ST18: variants seen among roughly 807,000 people sequenced by gnomAD.
ST18 encodes ST18 C2H2C-type zinc finger transcription factor, also known as suppression of tumorigenicity 18 protein.
In ST18, 50 loss-of-function variants were observed where a neutral mutation model predicts 110.0. That is an observed-to-expected ratio of 0.45 (90% CI 0.36 to 0.58). The LOEUF (loss-of-function observed/expected upper bound fraction) is 0.58. ST18 is among the 20% of genes least tolerant of loss of function. ST18 has a pLI of 0.00. For missense variants in ST18, 1,306 were observed against 1,280.1 expected (o/e 1.02, Z -0.31); for synonymous variants, 461 against 452.4 (o/e 1.02, Z -0.24).
In ST18 at chr8:52,388,734, C is replaced by T. The variant is rs1837905485; in HGVS notation, c.-465+20594G>A. 3.4e-5 allele frequency among the ~76,000 whole-genome samples: 5 copies of T among 146,898 alleles called. No individual in the cohort carries two copies. In the South Asian group the frequency reaches 1.1e-3, roughly 31 times the overall value. On this transcript the variant is annotated intron_variant, in intron 2 of 25. Coordinates refer to ENST00000689386, the MANE Select transcript of ST18 (RefSeq NM_001352837.2). ...AGGGAGGGCCTTTCTCAAAAGGTGTCTCTCCACTGAAAACCTGGAGGATAA... is the reference window on the plus strand; with the variant it reads ...AGGGAGGGCCTTTCTCAAAAGGTGTTTCTCCACTGAAAACCTGGAGGATAA...
intron 8 of ST18, among the ~76,000 whole-genome samples, chr8:52,191,508 C>T (rs1482908748): frequency 6.6e-6 from 1 of 152,222 alleles, no homozygotes; most frequent in Admixed American, 6.5e-5. Flanking sequence ...AGACCTGTGA[C>T]ATCCACCACA....
At chr8:52,117,084 C>T (rs886944783) in intron 24 of ST18, among the ~76,000 whole-genome samples, 1 of 152,202 alleles carries the variant, frequency 6.6e-6, no homozygotes, top group South Asian at 2.1e-4. Context: ...AAACCAAGGT[C>T]TTTAAAATGG....
intron 2 of ST18, among the ~76,000 whole-genome samples, chr8:52,361,631 C>T (rs1825792728): frequency 6.6e-6 from 1 of 152,090 alleles, no homozygotes; most frequent in Non-Finnish European, 1.5e-5. Flanking sequence ...ATTTCTATTC[C>T]TTTTAACAAC....
chr8:52,347,634 G>C (rs1432668670), intron 2 of ST18, among the ~76,000 whole-genome samples: 1 of 152,188 alleles, frequency 6.6e-6, no homozygotes, highest in Non-Finnish European at 1.5e-5. Flanking sequence ...ACGGGGTATG[G>C]TATGAATAGT....
At chr8:52,131,893 C>A in intron 22 of ST18, 65 bp downstream of exon 22, 2 of 1,541,334 alleles carry the variant, frequency 1.3e-6, no homozygotes, top group Non-Finnish European at 8.9e-7. Flanking sequence ...CAACCCTCTC[C>A]CCAAGGCAGC....
intron 8 of ST18, chr8:52,199,550 C>A (rs1352470589): frequency 6.6e-6 from 1 of 152,136 alleles, no homozygotes; most frequent in African/African-American, 2.4e-5. Flanking sequence ...AACATCAAAC[C>A]TTTATTCATG....
chr8:52,373,562 A>G (rs1236983970), intron 2 of ST18, among the ~76,000 whole-genome samples: 2 of 151,428 alleles, frequency 1.3e-5, no homozygotes, highest in East Asian at 3.9e-4. Context: ...ACACAAGCCA[A>G]TTTCCTGCAT....
At chr8:52,229,457 C>A (rs2090644355) in intron 3 of ST18, among the ~76,000 whole-genome samples, 1 of 152,170 alleles carries the variant, frequency 6.6e-6, no homozygotes, top group African/African-American at 2.4e-5. Context: ...AAACTGAGAG[C>A]CATTCCCAGC....
intron 2 of ST18, among the ~76,000 whole-genome samples, chr8:52,372,727 G>A (rs1420726944): frequency 6.6e-6 from 1 of 152,188 alleles, no homozygotes; most frequent in African/African-American, 2.4e-5. Context: ...AAAACAGCCT[G>A]GGTATGTAGT....
At chr8:52,359,038 G>A (rs1455512660) in intron 2 of ST18, among the ~76,000 whole-genome samples, 1 of 151,838 alleles carries the variant, frequency 6.6e-6, no homozygotes, top group Non-Finnish European at 1.5e-5. Flanking sequence ...ATGATCAAGT[G>A]TGATTTATCC....
rs749246680 is a variant in ST18, at chr8:52,159,035, G to T, written c.1669C>A (p.Arg557Ser). The T allele has an allele frequency of 6.2e-7, 1 of 1,614,174 alleles. No individual in the cohort carries two copies. The highest frequency in any genetic ancestry group is 8.5e-7 in the Non-Finnish European group (1 of 1,180,032). The change falls in exon 15 of 26, where the codon CGT (arginine) becomes AGT (serine). Residue 557 changes from arginine to serine, a missense_variant. Physicochemically the swap from Arg to Ser is moderately radical, Grantham distance 110. Coordinates refer to ENST00000689386, the MANE Select transcript of ST18 (RefSeq NM_001352837.2). Reference protein sequence around the residue: ...SAGAHTQSPGRASSYSYGQCS... With the variant: ...SAGAHTQSPGSASSYSYGQCS... Reference sequence around the variant, plus strand: ...TGACCGTAGCTATAAGAGCTGGCACGGCCAGGGCTCTGGGTGTGGGCGCCT... The same window carrying T: ...TGACCGTAGCTATAAGAGCTGGCACTGCCAGGGCTCTGGGTGTGGGCGCCT...
intron 2 of ST18, among the ~76,000 whole-genome samples, chr8:52,263,631 G>A (rs905986818): frequency 2.0e-5 from 3 of 147,302 alleles, no homozygotes; most frequent in Admixed American, 6.7e-5. Context: ...TTTTAGTAGA[G>A]ATGGGGTTTC....
At chr8:52,314,088 A>C (rs1472160154) in intron 2 of ST18, among the ~76,000 whole-genome samples, 1 of 152,190 alleles carries the variant, frequency 6.6e-6, no homozygotes, top group African/African-American at 2.4e-5. Flanking sequence ...CAGGGGTAGC[A>C]GGGCCCACCA....
In ST18 at chr8:52,159,075, A is replaced by G. The variant is rs763599616; in HGVS notation, c.1629T>C (p.Asn543=). 27 of 1,614,010 alleles carry G rather than the reference A, an allele frequency of 1.7e-5. No individual in the cohort carries two copies. The Admixed American group carries it at 3.3e-4, about 20-fold the overall frequency. Residue 543 remains asparagine (N), a synonymous_variant, in exon 15 of 26, where the codon AAT becomes AAC. Transcript: ENST00000689386. The part of the protein sequence containing the change: ...KHFPNPVKFP[N]RLPSAGAHTQ... ...TGTGGGCGCCTGCACTAGGCAGTCG[A>G]TTAGGAAATTTCACTGGATTTGGAA...
At chr8:52,252,342 C>T (rs1209741850) in intron 2 of ST18, among the ~76,000 whole-genome samples, 1 of 151,958 alleles carries the variant, frequency 6.6e-6, no homozygotes, top group Admixed American at 6.6e-5. Context: ...ATAAAGACAA[C>T]TATTCAGAGT....
At chr8:52,392,168 A>C (rs1839527510) in intron 2 of ST18, among the ~76,000 whole-genome samples, 1 of 152,216 alleles carries the variant, frequency 6.6e-6, no homozygotes, top group Non-Finnish European at 1.5e-5. Context: ...GAGTATCTAC[A>C]TGAGAGGATT....
intron 2 of ST18, among the ~76,000 whole-genome samples, chr8:52,279,341 C>A (rs1212164093): frequency 6.6e-6 from 1 of 152,016 alleles, no homozygotes; most frequent in Non-Finnish European, 1.5e-5. Flanking sequence ...CTGGGAGACA[C>A]ATCTGAAGGA....
At chr8:52,284,973 G>A (rs1407721458) in intron 2 of ST18, among the ~76,000 whole-genome samples, 2 of 152,148 alleles carry the variant, frequency 1.3e-5, no homozygotes, top group South Asian at 2.1e-4. Context: ...ACACAAGAAA[G>A]AGGGAGGAAA....
At chr8:52,329,640 A>T (rs1415071866) in intron 2 of ST18, among the ~76,000 whole-genome samples, 1 of 152,148 alleles carries the variant, frequency 6.6e-6, no homozygotes, top group Non-Finnish European at 1.5e-5. Context: ...CTGTAATCCT[A>T]GCTACTCAGG....
Sources: gnomAD v4.1 joint callset for allele counts (sites outside exome capture counted in the v4.1 genomes callset) on GRCh38, gnomAD v4.1.1 for gene constraint, MANE v1.5 for transcripts, NCBI Gene and HGNC (gene_info 2026-07-23, HGNC 2026-07-21) for gene names.